The following DMD variants were observed in gnomAD, a reference collection of about 807,000 sequenced individuals.
DMD encodes mutant dystrophin.
A neutral mutation model predicts 330.1 loss-of-function variants in DMD; 63 were observed. The ratio of observed to expected loss-of-function variants is 0.19; its 90% CI spans 0.16 to 0.24. The LOEUF (loss-of-function observed/expected upper bound fraction) is 0.24, where lower values mean the gene tolerates loss of function less well. DMD is among the 10% of genes least tolerant of loss of function. The pLI, the probability that DMD is intolerant of heterozygous loss-of-function variation, is 1.00. For synonymous variants in DMD, 1,223 were observed against 959.8 expected, an observed-to-expected ratio of 1.27 and a Z score of -5.07; for missense variants, 3,344 against 2,684.1, an observed-to-expected ratio of 1.25 and a Z score of -5.43.
At chrX:31,600,342 T>C (rs889105047) in intron 55 of DMD, among the ~76,000 whole-genome samples, 5 of 111,225 alleles carry the variant, frequency 4.5e-5, no homozygotes, top group African/African-American at 1.6e-4. Context: ...CTAATAGAAA[T>C]TGTAACGGCA....
At chrX:31,161,229 C>G (rs1214735645) in intron 74 of DMD, among the ~76,000 whole-genome samples, 2 of 111,557 alleles carry the variant, frequency 1.8e-5, no homozygotes, top group Non-Finnish European at 3.8e-5. Flanking sequence ...AAGAGACAGA[C>G]AAATCTTTGT....
At chrX:31,275,155 TTGTGTGTG>T (rs59068818) in intron 62 of DMD, among the ~76,000 whole-genome samples, 38,363 of 95,935 alleles carry the variant, frequency 0.4, 5,985 homozygotes, top group East Asian at 0.62. Context: ...AAATCAGGTT[TTGTGTGTG>T]TGTGTGTGTG....
chrX:32,705,800 T>C (rs908312714), intron 7 of DMD, among the ~76,000 whole-genome samples: 7 of 111,828 alleles, frequency 6.3e-5, no homozygotes, highest in African/African-American at 2.0e-4. Context: ...CATTTTTTCA[T>C]GTGTTTTTTG....
At chrX:32,234,684 T>C (rs1433621151) in intron 43 of DMD, among the ~76,000 whole-genome samples, 1 of 112,425 alleles carries the variant, frequency 8.9e-6, no homozygotes, top group Non-Finnish European at 1.9e-5. Flanking sequence ...CATCAATCAA[T>C]CATATTTTTG....
intron 42 of DMD, among the ~76,000 whole-genome samples, chrX:32,300,066 G>A (rs763008637): frequency 5.4e-5 from 6 of 111,658 alleles, no homozygotes. Flanking sequence ...CAGAGTACAA[G>A]GATTATTCCT....
At chrX:32,112,869 C>G (rs185869994) in intron 44 of DMD, among the ~76,000 whole-genome samples, 1 of 111,651 alleles carries the variant, frequency 9.0e-6, no homozygotes, top group African/African-American at 3.3e-5. Flanking sequence ...CCCATAATGG[C>G]AAGTAGATAT....
At chrX:31,489,714 T>C (rs1189933366) in intron 57 of DMD, among the ~76,000 whole-genome samples, 1 of 111,972 alleles carries the variant, frequency 8.9e-6, no homozygotes, top group Admixed American at 9.5e-5. Flanking sequence ...AGTTATGGTA[T>C]AATTTTTCCT....
At position 31,940,644 on chromosome X, in the gene DMD, C is replaced by T. The variant is rs770199468; in HGVS notation, c.6615-8417G>A. On this transcript the variant is annotated intron_variant, in intron 45 of 78. Coordinates refer to ENST00000357033, the MANE Select transcript of DMD (RefSeq NM_004006.3). Reference sequence around the variant, plus strand: ...AAAATTTTTGTAAAGTTTGCATGAACGGAAAGTTTCTATTATGTTAAGCCA... The same window carrying T: ...AAAATTTTTGTAAAGTTTGCATGAATGGAAAGTTTCTATTATGTTAAGCCA... 1.3e-4 allele frequency among the ~76,000 whole-genome samples: 14 copies of T among 107,104 alleles called. No individual in the cohort carries two copies. The East Asian group carries it at 1.5e-3, about 11-fold the overall frequency. 93.0% of individuals were successfully genotyped at this position (107,104 alleles called of 115,157 possible). A position where few individuals can be genotyped will look rare whatever the true frequency, so the allele number is the denominator to read the frequency against.
chrX:31,909,187 ACCCTTACGTTC>A (rs2094516530), intron 47 of DMD, among the ~76,000 whole-genome samples: 1 of 111,502 alleles, frequency 9.0e-6, no homozygotes, highest in Admixed American at 9.5e-5. Flanking sequence ...ATCATCTTTC[ACCCTTACGTTC>A]CTTTGAGGAA....
chrX:33,251,693 G>T (rs746170066), intron 1 of DMD, among the ~76,000 whole-genome samples: 1 of 111,719 alleles, frequency 9.0e-6, no homozygotes, highest in African/African-American at 3.3e-5. Context: ...TAATATAATG[G>T]TATATTGGAT....
chrX:33,045,966 T>C (rs917980658), intron 1 of DMD, among the ~76,000 whole-genome samples: 1 of 111,384 alleles, frequency 9.0e-6, no homozygotes, highest in Non-Finnish European at 1.9e-5. Context: ...GGAGGCAGAA[T>C]AGGCAGTTCA....
chrX:32,093,657 G>A (rs1348119991), intron 44 of DMD, among the ~76,000 whole-genome samples: 2 of 111,462 alleles, frequency 1.8e-5, no homozygotes, highest in African/African-American at 6.5e-5. Context: ...GACTACTCAA[G>A]AAGCATACTA....
intron 2 of DMD, among the ~76,000 whole-genome samples, chrX:32,984,558 C>T (rs765827782): frequency 8.9e-6 from 1 of 111,770 alleles, no homozygotes; most frequent in South Asian, 3.8e-4. Flanking sequence ...CCCGGCCCAC[C>T]TCTGTGTTTT....
At chrX:32,522,099 T>G (rs228339) in intron 17 of DMD, among the ~76,000 whole-genome samples, 34,066 of 110,997 alleles carry the variant, frequency 0.31, 4,564 homozygotes, top group African/African-American at 0.52. Context: ...CTACCCAGTT[T>G]ATGGTATTTT....
At chrX:31,721,712 C>CA (rs1386243902) in intron 52 of DMD, among the ~76,000 whole-genome samples, 1 of 62,062 alleles carries the variant, frequency 1.6e-5, no homozygotes, top group African/African-American at 6.0e-5. Context: ...CTCTCTCTCT[C>CA]TCTCTCTATA....
At chrX:32,004,907 G>C (rs2095650972) in intron 44 of DMD, among the ~76,000 whole-genome samples, 1 of 111,431 alleles carries the variant, frequency 9.0e-6, no homozygotes, top group Non-Finnish European at 1.9e-5. Flanking sequence ...GCCTAACCTA[G>C]AGTGGATGTC....
intron 67 of DMD, among the ~76,000 whole-genome samples, chrX:31,184,951 C>G (rs1181094638): frequency 1.5e-5 from 1 of 66,856 alleles, no homozygotes; most frequent in Admixed American, 2.3e-4. Flanking sequence ...ACATCACACT[C>G]TGGGGACTGT....
rs981846808 is a variant in DMD, at chrX:31,910,569, C to T, written c.6912+19027G>A. On this transcript the variant is annotated intron_variant, in intron 47 of 78. Transcript: ENST00000357033. ...AAAAGAAATAAAATATTGGTACAAACTAAATGCCTGACACATCTGAGGTAG... is the reference window on the plus strand; with the variant it reads ...AAAAGAAATAAAATATTGGTACAAATTAAATGCCTGACACATCTGAGGTAG... 4.5e-5 allele frequency among the ~76,000 whole-genome samples: 5 copies of T among 111,837 alleles called. No homozygotes were observed. In the South Asian group the frequency reaches 1.9e-3, roughly 42 times the overall value.
At chrX:32,554,125 G>A (rs755288715) in intron 16 of DMD, among the ~76,000 whole-genome samples, 16 of 112,118 alleles carry the variant, frequency 1.4e-4, no homozygotes, top group Admixed American at 1.3e-3. Flanking sequence ...TCTCTGGGAC[G>A]CAGCTAAAGC....
Sources: gnomAD v4.1 joint callset for allele counts (sites outside exome capture counted in the v4.1 genomes callset) on GRCh38, gnomAD v4.1.1 for gene constraint, MANE v1.5 for transcripts, NCBI Gene and HGNC (gene_info 2026-07-23, HGNC 2026-07-21) for gene names.